Variants in DLG2 observed in about 807,000 individuals in gnomAD.
DLG2 encodes the protein disks large homolog 2.
Under a neutral mutation model 132.5 loss-of-function variants are expected in DLG2, and 45 were observed. That is an observed-to-expected ratio of 0.34 (90% CI 0.27 to 0.44). The LOEUF is 0.44. DLG2 is among the 20% of genes least tolerant of loss of function. DLG2 has a pLI of 1.00. For synonymous variants in DLG2, 424 were observed against 419.6 expected (o/e 1.01, Z -0.13); for missense variants, 1,045 against 1,196.9 (o/e 0.87, Z 1.87).
chr11:83,957,400 C>T (rs1426517896), intron 14 of DLG2, among the ~76,000 whole-genome samples: 1 of 152,158 alleles, frequency 6.6e-6, no homozygotes, highest in East Asian at 1.9e-4. Flanking sequence ...CTGCTCTTCA[C>T]GTGGAACATG....
intron 6 of DLG2, among the ~76,000 whole-genome samples, chr11:85,020,499 C>T (rs1306916586): frequency 1.3e-5 from 2 of 152,044 alleles, no homozygotes; most frequent in East Asian, 1.9e-4. Context: ...CTTTTGTTCC[C>T]ATTGCTTTTG....
intron 18 of DLG2, among the ~76,000 whole-genome samples, chr11:83,775,984 C>T (rs11604164): frequency 0.016 from 2,372 of 151,988 alleles, 17 homozygotes; most frequent in Non-Finnish European, 0.023. Context: ...CCCAGCTACT[C>T]GGGAGGCTGA....
chr11:84,603,217 T>A (rs1343309502), intron 6 of DLG2, among the ~76,000 whole-genome samples: 1 of 151,976 alleles, frequency 6.6e-6, no homozygotes, highest in African/African-American at 2.4e-5. Context: ...TAACTGTCTC[T>A]ACCAATAAAT....
chr11:84,052,118 T>G (rs2096398827), intron 11 of DLG2, among the ~76,000 whole-genome samples: 1 of 151,814 alleles, frequency 6.6e-6, no homozygotes, highest in Non-Finnish European at 1.5e-5. Context: ...ATGCCCAAAC[T>G]GGGAAAACCA....
At chr11:84,909,591 G>T (rs947885725) in intron 6 of DLG2, among the ~76,000 whole-genome samples, 1 of 152,024 alleles carries the variant, frequency 6.6e-6, no homozygotes, top group African/African-American at 2.4e-5. Context: ...ATTTCTTCTG[G>T]TCATCTACGG....
intron 17 of DLG2, among the ~76,000 whole-genome samples, chr11:83,797,644 G>A (rs1024409570): frequency 2.0e-5 from 3 of 151,870 alleles, no homozygotes; most frequent in African/African-American, 4.8e-5. Context: ...TCAGCCTCCC[G>A]AGTAGCTGGG....
At chr11:85,141,249 A>T (rs1265465675) in intron 5 of DLG2, among the ~76,000 whole-genome samples, 2 of 151,844 alleles carry the variant, frequency 1.3e-5, no homozygotes, top group Non-Finnish European at 2.9e-5. Flanking sequence ...TGCCTTTTGG[A>T]TAAAAGCCAT....
rs1592370008 is a variant in DLG2 at position 84,994,870 on chromosome 11, C to T, written c.357+116791G>A. 2.0e-5 allele frequency among the ~76,000 whole-genome samples: 3 copies of T among 152,164 alleles called. 1 individual carries two copies. Among genetic ancestry groups the T allele is most frequent in the African/African-American group, 7.2e-5 (3 of 41,448 alleles). On this transcript the variant is annotated intron_variant, in intron 6 of 27. Coordinates refer to ENST00000376104, the MANE Select transcript of DLG2 (RefSeq NM_001142699.3). ...GAAATTCAGAACATAGGGCCTCTCT[C>T]ATGATATCACTGGAGACATCATTGA...
At chr11:84,010,422 C>T (rs982145995) in intron 11 of DLG2, among the ~76,000 whole-genome samples, 1 of 151,870 alleles carries the variant, frequency 6.6e-6, no homozygotes, top group Non-Finnish European at 1.5e-5. Context: ...CCTCCCAAGT[C>T]AGTGGGACTC....
At chr11:84,443,926 T>A (rs1264796359) in intron 7 of DLG2, among the ~76,000 whole-genome samples, 1 of 152,012 alleles carries the variant, frequency 6.6e-6, no homozygotes, top group Non-Finnish European at 1.5e-5. Context: ...TTTATCATTT[T>A]TTTCTCTCTT....
At chr11:84,165,365 C>G (rs1443132130) in intron 8 of DLG2, among the ~76,000 whole-genome samples, 1 of 152,184 alleles carries the variant, frequency 6.6e-6, no homozygotes, top group Non-Finnish European at 1.5e-5. Flanking sequence ...AAAACCTACG[C>G]TTAACATTTC....
At chr11:85,437,718 A>AT (rs1387200646) in intron 3 of DLG2, among the ~76,000 whole-genome samples, 2 of 152,274 alleles carry the variant, frequency 1.3e-5, no homozygotes, top group Admixed American at 6.5e-5. Flanking sequence ...AAAATTTTTA[A>AT]TTTTTTTCTT....
intron 5 of DLG2, among the ~76,000 whole-genome samples, chr11:85,130,811 A>G (rs553069982): frequency 1.3e-5 from 2 of 152,334 alleles, no homozygotes; most frequent in South Asian, 2.1e-4. Context: ...GAAAAACAGT[A>G]AAGTATCAAC....
At chr11:83,682,370 C>G (rs2078981991) in intron 18 of DLG2, 1 of 985,378 alleles carries the variant, frequency 1.0e-6, no homozygotes. Flanking sequence ...GGTGACCATG[C>G]AGCATTCTCG....
chr11:84,797,818 T>C (rs1053315832), intron 6 of DLG2, among the ~76,000 whole-genome samples: 1 of 152,190 alleles, frequency 6.6e-6, no homozygotes, highest in African/African-American at 2.4e-5. Flanking sequence ...CTTGTATTCT[T>C]CACAATTTTA....
chr11:85,425,687 C>A (rs542300757), intron 3 of DLG2, among the ~76,000 whole-genome samples: 1 of 152,090 alleles, frequency 6.6e-6, no homozygotes, highest in Non-Finnish European at 1.5e-5. Flanking sequence ...AGGAACAGCT[C>A]CACTCTACAG....
intron 15 of DLG2, among the ~76,000 whole-genome samples, chr11:83,890,356 T>C (rs1010426651): frequency 6.6e-6 from 1 of 152,152 alleles, no homozygotes; most frequent in Non-Finnish European, 1.5e-5. Flanking sequence ...GGCAGAGATC[T>C]GGATGTCAGA....
chr11:84,219,370 G>C (rs565047547), intron 8 of DLG2, among the ~76,000 whole-genome samples: 1 of 152,146 alleles, frequency 6.6e-6, no homozygotes, highest in African/African-American at 2.4e-5. Flanking sequence ...TTTTGAACTT[G>C]AGAATTGAAG....
At chr11:84,704,432 T>C (rs1304968802) in intron 6 of DLG2, among the ~76,000 whole-genome samples, 1 of 151,516 alleles carries the variant, frequency 6.6e-6, no homozygotes, top group Non-Finnish European at 1.5e-5. Context: ...TGGGACGTTA[T>C]TTATTACTCT....
Sources: gnomAD v4.1 joint callset for allele counts (sites outside exome capture counted in the v4.1 genomes callset) on GRCh38, gnomAD v4.1.1 for gene constraint, MANE v1.5 for transcripts, NCBI Gene and HGNC (gene_info 2026-07-23, HGNC 2026-07-21) for gene names.